Variants in NTM observed in about 807,000 individuals in gnomAD.
NTM encodes the protein neurotrimin.
Under a neutral mutation model 42.1 loss-of-function variants are expected in NTM, and 13 were observed. The ratio of observed to expected loss-of-function variants is 0.31; its 90% confidence interval spans 0.20 to 0.49. The LOEUF (loss-of-function observed/expected upper bound fraction) is 0.49. NTM is among the 20% of genes least tolerant of loss of function. The pLI is 0.99. For missense variants in NTM, 373 were observed against 452.8 expected (o/e 0.82, Z 1.60); for synonymous variants, 187 against 179.2 (o/e 1.04, Z -0.35).
chr11:132,235,155 C>A (rs1360774562), intron 4 of NTM, among the ~76,000 whole-genome samples: 3 of 152,222 alleles, frequency 2.0e-5, no homozygotes, highest in Non-Finnish European at 4.4e-5. Flanking sequence ...AGTCAACCCA[C>A]ATGGGTTTTC....
intron 1 of NTM, among the ~76,000 whole-genome samples, chr11:131,444,249 AGAAAGAAGAAAT>A (rs1482343514): frequency 8.1e-5 from 12 of 148,022 alleles, no homozygotes; most frequent in African/African-American, 3.0e-4. Flanking sequence ...TATGGGGGAC[AGAAAGAAGAAAT>A]GGAAGAAACA....
At chr11:131,934,773 G>A (rs78864781) in intron 2 of NTM, among the ~76,000 whole-genome samples, 1 of 152,074 alleles carries the variant, frequency 6.6e-6, no homozygotes, top group Non-Finnish European at 1.5e-5. Context: ...GCAAGTGTCC[G>A]GTGCTGGAGG....
intron 1 of NTM, among the ~76,000 whole-genome samples, chr11:131,904,000 T>C (rs558193797): frequency 1.4e-4 from 21 of 152,274 alleles, no homozygotes; most frequent in South Asian, 2.1e-4. Flanking sequence ...CAGTGACTTA[T>C]CTAAGGTGAC....
chr11:131,668,435 T>G (rs2069499873), intron 1 of NTM, among the ~76,000 whole-genome samples: 1 of 151,886 alleles, frequency 6.6e-6, no homozygotes, highest in Admixed American at 6.6e-5. Context: ...CCCTAAGTGG[T>G]TGGGCTGTGG....
chr11:132,300,833 T>C (rs1461629157), intron 4 of NTM, among the ~76,000 whole-genome samples: 3 of 152,164 alleles, frequency 2.0e-5, no homozygotes, highest in Non-Finnish European at 4.4e-5. Flanking sequence ...TAAATACAAG[T>C]CTTCTTGTGC....
chr11:131,992,901 T>C (rs1199416653), intron 2 of NTM, among the ~76,000 whole-genome samples: 1 of 152,110 alleles, frequency 6.6e-6, no homozygotes, highest in East Asian at 1.9e-4. Flanking sequence ...TTACAAAAGA[T>C]ACCCATTATA....
At chr11:131,380,496 C>T (rs1018272977) in intron 1 of NTM, among the ~76,000 whole-genome samples, 7 of 152,128 alleles carry the variant, frequency 4.6e-5, no homozygotes. Context: ...CAGGCGTGAG[C>T]TACCGTGCCC....
intron 2 of NTM, among the ~76,000 whole-genome samples, chr11:132,122,360 C>T (rs1447380925): frequency 6.6e-6 from 1 of 152,182 alleles, no homozygotes; most frequent in Non-Finnish European, 1.5e-5. Flanking sequence ...AGATTCTTTT[C>T]CAACTGGTTT....
At chr11:131,386,627 G>T (rs1048765336) in intron 1 of NTM, among the ~76,000 whole-genome samples, 1 of 152,340 alleles carries the variant, frequency 6.6e-6, no homozygotes, top group South Asian at 2.1e-4. Context: ...AGGGAAAATA[G>T]TGTGTGTTTG....
chr11:131,688,281 T>C (rs55673184), intron 1 of NTM, among the ~76,000 whole-genome samples: 16,150 of 152,158 alleles, frequency 0.11, 2,864 homozygotes, highest in African/African-American at 0.37. Context: ...GGAAAGCAGC[T>C]TGCCCGTCCT....
At chr11:132,001,364 T>C (rs1253142970) in intron 2 of NTM, among the ~76,000 whole-genome samples, 1 of 152,224 alleles carries the variant, frequency 6.6e-6, no homozygotes, top group Non-Finnish European at 1.5e-5. Context: ...AGTAAGCTGT[T>C]GTGTGAGGCC....
At chr11:131,653,470 A>G (rs2066773142) in intron 1 of NTM, among the ~76,000 whole-genome samples, 2 of 152,244 alleles carry the variant, frequency 1.3e-5, no homozygotes. Flanking sequence ...GATGTGATCA[A>G]CAGTCACAGT....
intron 1 of NTM, among the ~76,000 whole-genome samples, chr11:131,552,036 G>T (rs1354135095): frequency 1.3e-5 from 2 of 152,074 alleles, no homozygotes; most frequent in African/African-American, 4.8e-5. Context: ...TATAAAAGAG[G>T]ACCCAAAAGG....
chr11:132,016,101 G>GTT (rs558544499), intron 2 of NTM, among the ~76,000 whole-genome samples: 6 of 145,212 alleles, frequency 4.1e-5, no homozygotes, highest in Non-Finnish European at 9.1e-5. Flanking sequence ...GTTGTTGAGA[G>GTT]TTTTTTTTTT....
chr11:131,895,292 G>T (rs541538713), intron 1 of NTM, among the ~76,000 whole-genome samples: 1 of 152,248 alleles, frequency 6.6e-6, no homozygotes, highest in South Asian at 2.1e-4. Context: ...ACCTGGCATG[G>T]GCTGGAAGTA....
intron 4 of NTM, among the ~76,000 whole-genome samples, chr11:132,274,634 C>T (rs567762518): frequency 2.9e-4 from 44 of 152,190 alleles, no homozygotes; most frequent in African/African-American, 1.0e-3. Context: ...AGAGAACATA[C>T]TTTCTATGAT....
chr11:131,482,340 T>C (rs1299062552), intron 1 of NTM, among the ~76,000 whole-genome samples: 2 of 152,174 alleles, frequency 1.3e-5, no homozygotes, highest in African/African-American at 4.8e-5. Context: ...CTCAACACAC[T>C]CCAGCCATCT....
At chr11:132,300,768 C>T (rs1278782175) in intron 4 of NTM, among the ~76,000 whole-genome samples, 2 of 152,164 alleles carry the variant, frequency 1.3e-5, no homozygotes, top group East Asian at 1.9e-4. Context: ...TGCCTGGGAC[C>T]CTCCGTTTAC....
intron 3 of NTM, among the ~76,000 whole-genome samples, chr11:132,168,558 G>T (rs1019884368): frequency 6.6e-6 from 1 of 152,202 alleles, no homozygotes; most frequent in Non-Finnish European, 1.5e-5. Context: ...CCTCCTCTGG[G>T]ACTGAGACGT....
Sources: allele counts gnomAD v4.1 joint callset (sites outside exome capture counted in the v4.1 genomes callset), GRCh38; gene constraint gnomAD v4.1.1; transcripts MANE v1.5; gene names NCBI Gene and HGNC (gene_info 2026-07-23, HGNC 2026-07-21).